LRRC28: variants seen among roughly 807,000 people sequenced by gnomAD.
LRRC28 encodes the protein leucine-rich repeat-containing protein 28.
Under a neutral mutation model 45.7 loss-of-function variants are expected in LRRC28, and 39 were observed. The ratio of observed to expected loss-of-function variants is 0.85; its 90% CI spans 0.66 to 1.12. The LOEUF is 1.12. Ranked by LOEUF, LRRC28 falls within the 50% of genes most tolerant of loss-of-function variation. The probability of loss-of-function intolerance (pLI) is 0.00; values close to 1 mark genes in which losing one functional copy is unlikely to be tolerated. For missense variants in LRRC28, 435 were observed against 438.5 expected (o/e 0.99, Z 0.07); for synonymous variants, 206 against 178.8 (o/e 1.15, Z -1.22).
chr15:99,352,410 A>G lies in LRRC28; in HGVS notation c.634A>G (p.Asn212Asp), dbSNP rs774733741. Reference sequence around the variant, plus strand: ...AGAACTACAGTATGTATACGTGGATAACAACATTCACCTGAAAGGCTTGCC... The same window carrying G: ...AGAACTACAGTATGTATACGTGGATGACAACATTCACCTGAAAGGCTTGCC... ...SRELQYVYVD[N>D]NIHLKGLPSY... Residue 212 changes from asparagine (N) to aspartate (D), a missense_variant, in exon 7 of 10, where the codon AAC becomes GAC. Transcript: ENST00000301981. 6 of 1,613,994 alleles carry G rather than the reference A, an allele frequency of 3.7e-6. No homozygotes were observed. In the East Asian group the frequency reaches 6.7e-5, roughly 18 times the overall value.
chr15:99,304,282 C>T (rs1955097738), intron 5 of LRRC28, among the ~76,000 whole-genome samples: 1 of 152,146 alleles, frequency 6.6e-6, no homozygotes, highest in South Asian at 2.1e-4. Context: ...CTGTGATTAT[C>T]TGGATACAAG....
At chr15:99,294,876 T>C (rs1467692568) in intron 5 of LRRC28, among the ~76,000 whole-genome samples, 1 of 152,242 alleles carries the variant, frequency 6.6e-6, no homozygotes, top group East Asian at 1.9e-4. Context: ...GGTGCTTCAC[T>C]TGCCCCCAAC....
At chr15:99,312,286 T>A (rs1360665978) in intron 5 of LRRC28, among the ~76,000 whole-genome samples, 1 of 152,198 alleles carries the variant, frequency 6.6e-6, no homozygotes, top group East Asian at 1.9e-4. Flanking sequence ...TACTGAATAC[T>A]ATAGGCAATT....
intron 5 of LRRC28, among the ~76,000 whole-genome samples, chr15:99,295,066 A>G (rs1040928983): frequency 2.0e-5 from 3 of 152,178 alleles, no homozygotes; most frequent in Admixed American, 6.5e-5. Context: ...CTTGAAAACA[A>G]TTGCTTCATA....
chr15:99,354,070 G>A (rs1956971546), intron 7 of LRRC28: 2 of 152,136 alleles, frequency 1.3e-5, no homozygotes, highest in African/African-American at 4.8e-5. Flanking sequence ...TAACAGGATA[G>A]TATCAAACAA....
intron 6 of LRRC28, among the ~76,000 whole-genome samples, chr15:99,334,455 T>C (rs780726030): frequency 6.6e-5 from 10 of 150,672 alleles, no homozygotes; most frequent in Non-Finnish European, 1.3e-4. Flanking sequence ...TATTGAACAA[T>C]ATGAAAAGAT....
intron 9 of LRRC28, among the ~76,000 whole-genome samples, chr15:99,383,342 C>G (rs1957886438): frequency 6.6e-6 from 1 of 152,208 alleles, no homozygotes; most frequent in Admixed American, 6.5e-5. Context: ...TTCCTCAAGT[C>G]CCACTGTCCC....
At chr15:99,297,163 A>G (rs2082286172) in intron 5 of LRRC28, 1 of 148,984 alleles carries the variant, frequency 6.7e-6, no homozygotes, top group Non-Finnish European at 1.5e-5. Context: ...CCTGGGCAAC[A>G]AGAGCAAAAC....
At chr15:99,325,477 T>C (rs891011791) in intron 5 of LRRC28, among the ~76,000 whole-genome samples, 1 of 152,192 alleles carries the variant, frequency 6.6e-6, no homozygotes, top group Non-Finnish European at 1.5e-5. Context: ...TGGGTACCAA[T>C]GGAAACACTC....
At chr15:99,268,248 G>T (rs1012365069) in intron 2 of LRRC28, among the ~76,000 whole-genome samples, 4 of 152,134 alleles carry the variant, frequency 2.6e-5, no homozygotes, top group Non-Finnish European at 5.9e-5. Flanking sequence ...GAGTTTTCCT[G>T]TGAATAAAAG....
At chr15:99,366,404 A>T (rs1282776057) in intron 9 of LRRC28, among the ~76,000 whole-genome samples, 1 of 152,184 alleles carries the variant, frequency 6.6e-6, no homozygotes, top group Non-Finnish European at 1.5e-5. Context: ...CCTAACTATT[A>T]TATATGCAAG....
intron 3 of LRRC28, chr15:99,285,916 A>G (rs888159546): frequency 4.3e-5 from 10 of 231,348 alleles, no homozygotes; most frequent in African/African-American, 2.3e-4. Flanking sequence ...ATCATAGAGT[A>G]AATGGTGGGC....
intron 4 of LRRC28, 68 bp downstream of exon 4, chr15:99,287,362 A>G (rs1004307592): frequency 1.1e-5 from 14 of 1,218,114 alleles, no homozygotes; most frequent in Middle Eastern, 2.5e-4. Flanking sequence ...AAATAGATCA[A>G]ATTTTATTTT....
chr15:99,319,432 T>A (rs1336831846), intron 5 of LRRC28, among the ~76,000 whole-genome samples: 1 of 152,212 alleles, frequency 6.6e-6, no homozygotes, highest in Non-Finnish European at 1.5e-5. Context: ...ACTTTTAGAA[T>A]AAATGCTTTT....
At position 99,292,171 on chromosome 15, in the gene LRRC28, T is replaced by G. The variant is rs976910951; in HGVS notation, c.385+4220T>G. ...ACTCTGTGATGGTGGGTCTTGCCTG[T>G]GAGAAGTTTCTCTTGGCTTTTCTGT... is the stretch of plus-strand genomic sequence containing the variant. On this transcript the variant is annotated intron_variant, in intron 5 of 9. Coordinates refer to ENST00000301981, the MANE Select transcript of LRRC28 (RefSeq NM_144598.5). 5.3e-5 allele frequency among the ~76,000 whole-genome samples: 8 copies of G among 152,292 alleles called. No homozygotes were observed. The East Asian group carries it at 1.5e-3, about 29-fold the overall frequency.
intron 9 of LRRC28, among the ~76,000 whole-genome samples, chr15:99,376,104 C>G (rs570899609): frequency 1.3e-5 from 2 of 152,074 alleles, no homozygotes; most frequent in Non-Finnish European, 2.9e-5. Context: ...TATAAATTTC[C>G]CTCAGCACTA....
At chr15:99,285,511 A>G (rs544262790) in intron 3 of LRRC28, 46 of 1,086,362 alleles carry the variant, frequency 4.2e-5, no homozygotes, top group East Asian at 4.0e-4. Flanking sequence ...GGTTGTTTCA[A>G]AGCTCAGGCC....
intron 5 of LRRC28, among the ~76,000 whole-genome samples, chr15:99,330,956 T>C (rs12917176): frequency 0.11 from 16,255 of 152,168 alleles, 1,201 homozygotes; most frequent in East Asian, 0.31. Flanking sequence ...ATTTTTTATG[T>C]ATCTTTGTCT....
intron 5 of LRRC28, among the ~76,000 whole-genome samples, chr15:99,308,565 C>G (rs12440060): frequency 0.097 from 14,782 of 152,094 alleles, 1,033 homozygotes; most frequent in East Asian, 0.33. Context: ...CCAACTGCTT[C>G]GGAGGCTGAG....
Sources: gnomAD v4.1 joint callset for allele counts (sites outside exome capture counted in the v4.1 genomes callset) on GRCh38, gnomAD v4.1.1 for gene constraint, MANE v1.5 for transcripts, NCBI Gene and HGNC (gene_info 2026-07-23, HGNC 2026-07-21) for gene names.